ATP11A: variants seen among roughly 807,000 people sequenced by gnomAD.
ATP11A encodes the protein ATPase phospholipid transporting 11A.
ATP11A carries 81 observed loss-of-function variants against 154.4 expected under a neutral mutation model. The observed-to-expected ratio is 0.52, with a 90% CI of 0.44 to 0.63. The LOEUF is 0.63. Ranked by LOEUF, ATP11A falls within the 30% of genes least tolerant of loss-of-function variation. The pLI is 0.00. For missense variants in ATP11A, 1,316 were observed against 1,474.3 expected, an observed-to-expected ratio of 0.89 and a Z score of 1.76; for synonymous variants, 623 against 585.9, an observed-to-expected ratio of 1.06 and a Z score of -0.91.
chr13:112,777,171 C>T (rs1284737641), intron 1 of ATP11A, among the ~76,000 whole-genome samples: 1 of 151,596 alleles, frequency 6.6e-6, no homozygotes, highest in African/African-American at 2.4e-5. Flanking sequence ...AGCTCAGGCG[C>T]TGGCACCTGT....
intron 2 of ATP11A, among the ~76,000 whole-genome samples, chr13:112,795,612 A>G (rs2077980207): frequency 6.6e-6 from 1 of 152,226 alleles, no homozygotes; most frequent in African/African-American, 2.4e-5. Context: ...TGACTTTGTT[A>G]CTGAGTGATG....
intron 10 of ATP11A, among the ~76,000 whole-genome samples, chr13:112,824,731 A>G (rs1175113569): frequency 6.6e-6 from 1 of 151,830 alleles, no homozygotes; most frequent in East Asian, 1.9e-4. Context: ...TTCATGAAAA[A>G]CTCCAAATGG....
chr13:112,823,141 C>T (rs2078843340), intron 8 of ATP11A, among the ~76,000 whole-genome samples: 1 of 152,300 alleles, frequency 6.6e-6, no homozygotes, highest in Admixed American at 6.5e-5. Flanking sequence ...GCCATGTGTT[C>T]GTCCCCCAAA....
intron 25 of ATP11A, among the ~76,000 whole-genome samples, chr13:112,862,880 G>A (rs1387141066): frequency 1.4e-5 from 2 of 147,632 alleles, no homozygotes; most frequent in Non-Finnish European, 3.0e-5. Flanking sequence ...CAGTAATTCA[G>A]TGCAGCCCAT....
chr13:112,828,118 G>GAAACGCCCAGCAGTGTTAAGTGCGGGGGA (rs143513857), intron 12 of ATP11A, among the ~76,000 whole-genome samples: 1 of 122,388 alleles, frequency 8.2e-6, no homozygotes, highest in African/African-American at 3.2e-5. Context: ...TGAGTGGGGG[G>GAAACGCCCAGCAGTGTTAAGTGCGGGGGA]AAGCGCCCAG....
At position 112,819,307 on chromosome 13, in the gene ATP11A, C is replaced by T. The variant is rs149688004; in HGVS notation, c.574C>T (p.His192Tyr). ...CACATGTCTTGTGCATTTGTAGACG[C>T]ATTACGCGGTCCAGGACACCAAAGG... ...SLDGESSHKT[H>Y]YAVQDTKGFH... is the part of the protein sequence containing the mutation. Residue 192 changes from histidine to tyrosine, a missense_variant, in exon 7 of 30, where the codon CAT becomes TAT. Coordinates refer to ENST00000375645, the MANE Select transcript of ATP11A (RefSeq NM_015205.3). 2.5e-6 allele frequency: 4 copies of T among 1,614,020 alleles called. No individual in the cohort carries two copies. The African/African-American group carries it at 5.3e-5, about 22-fold the overall frequency.
chr13:112,864,230 AGT>A (rs2080234569), intron 25 of ATP11A, among the ~76,000 whole-genome samples: 1 of 126,966 alleles, frequency 7.9e-6, no homozygotes, highest in African/African-American at 2.9e-5. Context: ...GCAGTAATTC[AGT>A]GCGGCCCATG....
rs140459363 is a variant in ATP11A, at chr13:112,788,970, C to T, written c.162+3713C>T. 3.3e-5 allele frequency among the ~76,000 whole-genome samples: 5 copies of T among 151,094 alleles called. No homozygotes were observed. The East Asian group carries it at 6.0e-4, about 18-fold the overall frequency. ...ACTTAATTCACACCTGGCATCTTGA[C>T]GTGTAGACTCCTATGTAGACATACT... On this transcript the variant is annotated intron_variant, in intron 2 of 29. Transcript: ENST00000375645.
intron 1 of ATP11A, among the ~76,000 whole-genome samples, chr13:112,705,011 C>T (rs1886983232): frequency 6.6e-6 from 1 of 152,138 alleles, no homozygotes; most frequent in African/African-American, 2.4e-5. Flanking sequence ...GCCTCACAAA[C>T]GTGGAATAAC....
intron 5 of ATP11A, chr13:112,811,998 G>A (rs2078515373): frequency 6.6e-6 from 1 of 152,234 alleles, no homozygotes; most frequent in Admixed American, 6.5e-5. Context: ...TGATGATGAA[G>A]TCGGGGTAAC....
chr13:112,739,967 C>A (rs1891364665), intron 1 of ATP11A, among the ~76,000 whole-genome samples: 1 of 149,748 alleles, frequency 6.7e-6, no homozygotes, highest in Non-Finnish European at 1.5e-5. Context: ...TTGGCAGGGG[C>A]TGGGGGAGGG....
At chr13:112,817,901 C>T (rs937975601) in intron 6 of ATP11A, among the ~76,000 whole-genome samples, 4 of 152,192 alleles carry the variant, frequency 2.6e-5, no homozygotes, top group Admixed American at 6.5e-5. Context: ...AGGGTCCACC[C>T]GACCTCTGTT....
intron 1 of ATP11A, among the ~76,000 whole-genome samples, chr13:112,784,319 G>A (rs1016270743): frequency 6.6e-6 from 1 of 152,146 alleles, no homozygotes; most frequent in Non-Finnish European, 1.5e-5. Flanking sequence ...TTCACACCGC[G>A]GGCATGTCTT....
intron 11 of ATP11A, 121 bp downstream of exon 11, chr13:112,825,701 C>A: frequency 8.4e-7 from 1 of 1,196,752 alleles, no homozygotes; most frequent in South Asian, 1.6e-5. Flanking sequence ...TTGATTGATT[C>A]AGTCTCTGTG....
At chr13:112,829,651 G>A (rs150645047) in intron 12 of ATP11A, among the ~76,000 whole-genome samples, 2 of 152,312 alleles carry the variant, frequency 1.3e-5, no homozygotes, top group African/African-American at 4.8e-5. Flanking sequence ...AGACAAGGCT[G>A]CACACATTCA....
chr13:112,797,284 C>CAAAAAAA (rs34154413), intron 2 of ATP11A, among the ~76,000 whole-genome samples: 1 of 36,274 alleles, frequency 2.8e-5, no homozygotes. Context: ...AACTCCATCT[C>CAAAAAAA]AAAAAAAAAA....
intron 29 of ATP11A, chr13:112,878,525 C>T (rs919804106): frequency 5.9e-5 from 35 of 597,128 alleles, no homozygotes; most frequent in African/African-American, 5.2e-4. Context: ...AGGGTTTCTC[C>T]CTCAGCGTCC....
chr13:112,777,022 CCT>C (rs1423340953), intron 1 of ATP11A, among the ~76,000 whole-genome samples: 1 of 152,212 alleles, frequency 6.6e-6, no homozygotes, highest in Admixed American at 6.5e-5. Flanking sequence ...GCCCCTTGAG[CCT>C]CTCTGCACCG....
At chr13:112,735,321 A>G (rs2139714351) in intron 1 of ATP11A, among the ~76,000 whole-genome samples, 1 of 152,296 alleles carries the variant, frequency 6.6e-6, no homozygotes, top group Middle Eastern at 3.4e-3. Context: ...GTGCCCCGAA[A>G]GCCGGGCATT....
Sources: gnomAD v4.1 joint callset for allele counts (sites outside exome capture counted in the v4.1 genomes callset) on GRCh38, gnomAD v4.1.1 for gene constraint, MANE v1.5 for transcripts, NCBI Gene and HGNC (gene_info 2026-07-23, HGNC 2026-07-21) for gene names.